The following CNTLN variants were observed in gnomAD, a reference collection of about 807,000 sequenced individuals.
CNTLN encodes centlein.
Under a neutral mutation model 180.0 loss-of-function variants are expected in CNTLN, and 212 were observed. The ratio of observed to expected loss-of-function variants is 1.18; its 90% CI spans 1.05 to 1.32. CNTLN has a LOEUF of 1.32. CNTLN is among the 40% of genes most tolerant of loss of function. The pLI, the probability that CNTLN is intolerant of heterozygous loss-of-function variation, is 0.00. For missense variants in CNTLN, 2,095 were observed against 1,610.9 expected, an observed-to-expected ratio of 1.30 and a Z score of -5.14; for synonymous variants, 722 against 563.1, an observed-to-expected ratio of 1.28 and a Z score of -3.99.
chr9:17,496,143 T>C (rs763263482), intron 25 of CNTLN, among the ~76,000 whole-genome samples: 1 of 152,174 alleles, frequency 6.6e-6, no homozygotes, highest in Middle Eastern at 3.2e-3. Flanking sequence ...GAGCAACATA[T>C]TTAAATCAAC....
intron 7 of CNTLN, chr9:17,302,123 C>A: frequency 1.1e-6 from 1 of 912,842 alleles, no homozygotes; most frequent in Non-Finnish European, 1.3e-6. Context: ...CACACACAGA[C>A]ACACACACAC....
At chr9:17,258,377 G>A (rs1358680250) in intron 5 of CNTLN, among the ~76,000 whole-genome samples, 3 of 150,752 alleles carry the variant, frequency 2.0e-5, no homozygotes, top group Non-Finnish European at 4.4e-5. Context: ...TTTGGTTACT[G>A]TAGCCTTGTA....
At chr9:17,427,216 T>G (rs1398057490) in intron 18 of CNTLN, among the ~76,000 whole-genome samples, 1 of 151,970 alleles carries the variant, frequency 6.6e-6, no homozygotes, top group Admixed American at 6.6e-5. Context: ...TCCAGTCACA[T>G]GCTCCGTGCT....
intron 6 of CNTLN, among the ~76,000 whole-genome samples, chr9:17,297,568 C>G (rs1389836540): frequency 2.0e-5 from 3 of 152,134 alleles, no homozygotes; most frequent in Admixed American, 2.0e-4. Context: ...GTTCATTTGT[C>G]CTCCTGCTTA....
chr9:17,399,103 C>G (rs1044384377), intron 15 of CNTLN, among the ~76,000 whole-genome samples: 4 of 152,212 alleles, frequency 2.6e-5, no homozygotes, highest in African/African-American at 9.6e-5. Context: ...CAAGTCCTTT[C>G]TTTTCCCTTA....
intron 2 of CNTLN, among the ~76,000 whole-genome samples, chr9:17,190,767 G>T (rs564388488): frequency 6.6e-6 from 1 of 152,260 alleles, no homozygotes; most frequent in African/African-American, 2.4e-5. Context: ...TGCTGAAAAT[G>T]GTACAGGAAG....
chr9:17,237,542 A>C (rs944783826), intron 5 of CNTLN, among the ~76,000 whole-genome samples: 1 of 152,200 alleles, frequency 6.6e-6, no homozygotes, highest in Non-Finnish European at 1.5e-5. Flanking sequence ...TAAAAGATAC[A>C]GTATAACAAC....
chr9:17,268,881 G>A (rs983457896), intron 5 of CNTLN, among the ~76,000 whole-genome samples: 10 of 151,840 alleles, frequency 6.6e-5, no homozygotes, highest in Non-Finnish European at 8.8e-5. Flanking sequence ...TTTTAATCCC[G>A]TCAGAAAAGT....
intron 23 of CNTLN, among the ~76,000 whole-genome samples, chr9:17,476,746 G>A (rs1398517927): frequency 1.3e-5 from 2 of 152,204 alleles, no homozygotes; most frequent in Non-Finnish European, 2.9e-5. Flanking sequence ...AGCTACCTGA[G>A]GTTTAAGGAA....
intron 13 of CNTLN, among the ~76,000 whole-genome samples, chr9:17,370,381 G>A (rs1161101099): frequency 6.6e-6 from 1 of 152,162 alleles, no homozygotes; most frequent in Admixed American, 6.5e-5. Context: ...AACTTTACAG[G>A]CTAGGAGATA....
downstream of CNTLN, among the ~76,000 whole-genome samples, chr9:17,506,679 T>C (rs937330290): frequency 6.6e-6 from 1 of 152,104 alleles, no homozygotes; most frequent in Non-Finnish European, 1.5e-5. Flanking sequence ...ATTACTATAA[T>C]AAATTTGTAG....
chr9:17,412,363 C>T (rs562456308), intron 16 of CNTLN, among the ~76,000 whole-genome samples: 1 of 152,246 alleles, frequency 6.6e-6, no homozygotes, highest in South Asian at 2.1e-4. Flanking sequence ...ACACCTCATA[C>T]CAAGATCCAG....
intron 8 of CNTLN, among the ~76,000 whole-genome samples, chr9:17,313,426 T>A (rs1457658250): frequency 1.3e-5 from 2 of 152,122 alleles, no homozygotes; most frequent in Non-Finnish European, 2.9e-5. Flanking sequence ...GCTTTTTTTT[T>A]AATCTAAAAG....
chr9:17,370,086 G>A (rs963070344), intron 13 of CNTLN, among the ~76,000 whole-genome samples: 2 of 151,932 alleles, frequency 1.3e-5, no homozygotes, highest in African/African-American at 4.8e-5. Context: ...GGAAAATGTA[G>A]GAGTTATTGG....
At chr9:17,273,414 A>T (rs918805493) in intron 5 of CNTLN, among the ~76,000 whole-genome samples, 5 of 151,812 alleles carry the variant, frequency 3.3e-5, no homozygotes, top group Non-Finnish European at 7.4e-5. Context: ...GTTGAAGTAA[A>T]TGAGTTCATT....
chr9:17,301,630 TTTGTAG>T, intron 7 of CNTLN: 8 of 980,258 alleles, frequency 8.2e-6, no homozygotes, highest in Non-Finnish European at 7.3e-6. Context: ...ATATTTTAAT[TTTGTAG>T]TTGTTTTAGA....
chr9:17,359,725 C>CAAAAAAAAAAAAAAAAAACCAAAAAAAAA (rs1344925686), intron 12 of CNTLN, among the ~76,000 whole-genome samples: 21 of 21,326 alleles, frequency 9.8e-4, no homozygotes, highest in Non-Finnish European at 1.2e-3. Flanking sequence ...ACTAAAAATA[C>CAAAAAAAAAAAAAAAAAACCAAAAAAAAA]AAAAAAAAAA....
At chr9:17,327,856 G>A (rs763574732) in intron 8 of CNTLN, among the ~76,000 whole-genome samples, 1 of 151,994 alleles carries the variant, frequency 6.6e-6, no homozygotes, top group Non-Finnish European at 1.5e-5. Context: ...AGGAGGCTGA[G>A]GCAGGAGAAT....
chr9:17,274,463 A>ATCTGTCTG (rs10635889), intron 6 of CNTLN, among the ~76,000 whole-genome samples: 12 of 140,924 alleles, frequency 8.5e-5, no homozygotes, highest in South Asian at 7.4e-4. Flanking sequence ...ATATCTATCT[A>ATCTGTCTG]TCTATCTATC....
Sources: gnomAD v4.1 joint callset for allele counts (sites outside exome capture counted in the v4.1 genomes callset) on GRCh38, gnomAD v4.1.1 for gene constraint, MANE v1.5 for transcripts, NCBI Gene and HGNC (gene_info 2026-07-23, HGNC 2026-07-21) for gene names.